NALF1: variants seen among roughly 807,000 people sequenced by gnomAD.
NALF1 encodes family with sequence similarity 155 member A.
In NALF1, 3 loss-of-function variants were observed where a neutral mutation model predicts 48.4. That is an observed-to-expected ratio of 0.06 (90% CI 0.03 to 0.16). NALF1 has a LOEUF of 0.16. Ranked by LOEUF, NALF1 falls within the 10% of genes least tolerant of loss-of-function variation. The probability of loss-of-function intolerance (pLI) is 1.00; values close to 1 mark genes in which losing one functional copy is unlikely to be tolerated. For missense variants in NALF1, 526 were observed against 571.5 expected (o/e 0.92, Z 0.81); for synonymous variants, 262 against 245.7 (o/e 1.07, Z -0.62).
intron 1 of NALF1, among the ~76,000 whole-genome samples, chr13:107,552,789 T>C (rs1199551841): frequency 6.6e-6 from 1 of 152,186 alleles, no homozygotes; most frequent in Non-Finnish European, 1.5e-5. Context: ...TTTAATCTTA[T>C]GGTACTTAGA....
intron 1 of NALF1, among the ~76,000 whole-genome samples, chr13:107,462,085 T>A (rs1008874458): frequency 3.9e-5 from 6 of 152,344 alleles, no homozygotes; most frequent in African/African-American, 1.4e-4. Context: ...CCTGGGAGGC[T>A]GAACCCTACT....
chr13:107,223,271 C>T (rs930479011), intron 1 of NALF1, among the ~76,000 whole-genome samples: 2 of 151,878 alleles, frequency 1.3e-5, no homozygotes, highest in African/African-American at 4.9e-5. Context: ...TATATGTATA[C>T]ATACACACAC....
Position 107,704,508 on chromosome 13 carries a change from A to G in NALF1, c.915+161174T>C, listed in dbSNP as rs572396794. Among the ~76,000 whole-genome samples, 21 of 152,072 alleles carry G rather than the reference A, an allele frequency of 1.4e-4. No homozygotes were observed. In the East Asian group the frequency reaches 2.3e-3, roughly 17 times the overall value. ...CAGCTATTGTGTACTTAACCTCCCA[A>G]AGTTATTTTTTAGTTCCCTGGCAGT... is the stretch of plus-strand genomic sequence containing the variant. On this transcript the variant is annotated intron_variant, in intron 1 of 2. Transcript: ENST00000375915.
chr13:107,702,002 C>T (rs1881833415), intron 1 of NALF1, among the ~76,000 whole-genome samples: 1 of 152,124 alleles, frequency 6.6e-6, no homozygotes, highest in Non-Finnish European at 1.5e-5. Context: ...CAACTGGCTA[C>T]AAAGTATAAT....
intron 1 of NALF1, among the ~76,000 whole-genome samples, chr13:107,424,721 G>C (rs940542039): frequency 2.0e-5 from 3 of 152,124 alleles, no homozygotes; most frequent in African/African-American, 4.8e-5. Context: ...AAGCATGGGA[G>C]AGATACTTGA....
At chr13:107,473,790 GTTC>G (rs1217386718) in intron 1 of NALF1, among the ~76,000 whole-genome samples, 5 of 152,236 alleles carry the variant, frequency 3.3e-5, no homozygotes, top group East Asian at 1.9e-4. Context: ...TACCCAAATA[GTTC>G]TTCTTATTCT....
At chr13:107,459,101 A>G (rs1262289064) in intron 1 of NALF1, among the ~76,000 whole-genome samples, 1 of 152,136 alleles carries the variant, frequency 6.6e-6, no homozygotes, top group Non-Finnish European at 1.5e-5. Flanking sequence ...TGTGAAGACC[A>G]TTAAAAGAAT....
chr13:107,214,648 C>G (rs747783005), intron 1 of NALF1, among the ~76,000 whole-genome samples: 2 of 152,122 alleles, frequency 1.3e-5, no homozygotes, highest in African/African-American at 2.4e-5. Flanking sequence ...ACCGCCCCCA[C>G]GCTCCTCCAC....
At chr13:107,548,432 C>T (rs1369891843) in intron 1 of NALF1, among the ~76,000 whole-genome samples, 1 of 152,072 alleles carries the variant, frequency 6.6e-6, no homozygotes, top group Non-Finnish European at 1.5e-5. Flanking sequence ...GAAAAAACAT[C>T]TGCATGCATG....
At chr13:107,359,922 A>G (rs189596457) in intron 1 of NALF1, among the ~76,000 whole-genome samples, 207 of 152,298 alleles carry the variant, frequency 1.4e-3, no homozygotes, top group Non-Finnish European at 2.5e-3. Context: ...CACTGTCATG[A>G]TAAAACTTGC....
intron 1 of NALF1, among the ~76,000 whole-genome samples, chr13:107,315,828 A>C (rs1475209335): frequency 6.6e-6 from 1 of 150,896 alleles, no homozygotes; most frequent in African/African-American, 2.4e-5. Context: ...AAATGGGCAT[A>C]TCTCTTTCCA....
chr13:107,350,040 G>T (rs1882844481), intron 1 of NALF1, among the ~76,000 whole-genome samples: 1 of 152,086 alleles, frequency 6.6e-6, no homozygotes, highest in South Asian at 2.1e-4. Context: ...TCACAGTAGG[G>T]TTCATGCTCT....
intron 1 of NALF1, among the ~76,000 whole-genome samples, chr13:107,447,878 G>C (rs953643718): frequency 2.6e-5 from 4 of 152,136 alleles, no homozygotes; most frequent in Admixed American, 2.6e-4. Context: ...TGGGCTCTCT[G>C]CATTTGACTT....
chr13:107,480,600 CAA>C (rs2139060491), intron 1 of NALF1, among the ~76,000 whole-genome samples: 1 of 152,226 alleles, frequency 6.6e-6, no homozygotes, highest in African/African-American at 2.4e-5. Context: ...AAAATCCCCC[CAA>C]AAAGTCTCAT....
At chr13:107,396,936 T>A (rs1883723310) in intron 1 of NALF1, among the ~76,000 whole-genome samples, 1 of 152,214 alleles carries the variant, frequency 6.6e-6, no homozygotes, top group Non-Finnish European at 1.5e-5. Context: ...TATGTTTGCA[T>A]GTGTAATATA....
Position 107,606,395 on chromosome 13 carries a change from T to C in NALF1, c.915+259287A>G, listed in dbSNP as rs539326885. Among the ~76,000 whole-genome samples, 3 of 148,594 alleles carry C rather than the reference T, an allele frequency of 2.0e-5. No homozygotes were observed. In the East Asian group the frequency reaches 8.2e-4, roughly 41 times the overall value. On this transcript the variant is annotated intron_variant, in intron 1 of 2. Coordinates refer to ENST00000375915, the MANE Select transcript of NALF1 (RefSeq NM_001080396.3). Reference sequence around the variant, plus strand: ...TATATATATATTTTGAGATGGAGTCTTGCTCTGTCACTGAGACTGGAGCGC... The same window carrying C: ...TATATATATATTTTGAGATGGAGTCCTGCTCTGTCACTGAGACTGGAGCGC...
chr13:107,743,929 C>A (rs1876708806), intron 1 of NALF1, among the ~76,000 whole-genome samples: 1 of 152,082 alleles, frequency 6.6e-6, no homozygotes, highest in Non-Finnish European at 1.5e-5. Flanking sequence ...AAAAAATGAT[C>A]CTTTAGTTAT....
intron 1 of NALF1, among the ~76,000 whole-genome samples, chr13:107,861,143 T>TA (rs1364667143): frequency 1.3e-5 from 2 of 152,086 alleles, no homozygotes; most frequent in African/African-American, 4.8e-5. Context: ...AGCAAGAAGA[T>TA]AAAAAACATA....
At chr13:107,519,677 T>A (rs1876174173) in intron 1 of NALF1, among the ~76,000 whole-genome samples, 1 of 152,162 alleles carries the variant, frequency 6.6e-6, no homozygotes, top group African/African-American at 2.4e-5. Context: ...ATATAATATA[T>A]AATATCAAAA....
Sources: allele counts gnomAD v4.1 joint callset (sites outside exome capture counted in the v4.1 genomes callset), GRCh38; gene constraint gnomAD v4.1.1; transcripts MANE v1.5; gene names NCBI Gene and HGNC (gene_info 2026-07-23, HGNC 2026-07-21).